The following ASIC2 variants were observed in gnomAD, a reference collection of about 807,000 sequenced individuals.
ASIC2 encodes acid sensing ion channel subunit 2.
A neutral mutation model predicts 57.3 loss-of-function variants in ASIC2; 25 were observed. The observed-to-expected ratio is 0.44, with a 90% CI of 0.32 to 0.61. ASIC2 has a LOEUF of 0.61. ASIC2 is among the 20% of genes least tolerant of loss of function. ASIC2 has a pLI of 0.06. For missense variants in ASIC2, 641 were observed against 738.1 expected (o/e 0.87, Z 1.52); for synonymous variants, 319 against 307.5 (o/e 1.04, Z -0.39).
intron 1 of ASIC2, among the ~76,000 whole-genome samples, chr17:33,181,583 G>A (rs1168199530): frequency 1.3e-5 from 2 of 152,114 alleles, no homozygotes; most frequent in Non-Finnish European, 2.9e-5. Flanking sequence ...GTGTGACTCT[G>A]ATCTTTGCTT....
chr17:33,930,844 C>T lies in ASIC2; in HGVS notation c.555+225134G>A, dbSNP rs542192933. Reference sequence around the variant, plus strand: ...GGTGGAGGGGATGCCAGGGGAGAGCCGGGGCCCAGATTTTACAACTCCCTT... The same window carrying T: ...GGTGGAGGGGATGCCAGGGGAGAGCTGGGGCCCAGATTTTACAACTCCCTT... On this transcript the variant is annotated intron_variant, in intron 1 of 9. Transcript: ENST00000359872. 4.6e-5 allele frequency among the ~76,000 whole-genome samples: 7 copies of T among 152,272 alleles called. No individual in the cohort carries two copies. In the East Asian group the frequency reaches 1.2e-3, roughly 25 times the overall value.
intron 1 of ASIC2, among the ~76,000 whole-genome samples, chr17:34,059,512 G>A (rs529919465): frequency 1.3e-5 from 2 of 152,272 alleles, no homozygotes; most frequent in East Asian, 1.9e-4. Flanking sequence ...AGGGCAGGGC[G>A]CAAATTGGGC....
intron 1 of ASIC2, among the ~76,000 whole-genome samples, chr17:33,433,330 A>G: frequency 6.6e-6 from 1 of 152,254 alleles, no homozygotes; most frequent in East Asian, 1.9e-4. Context: ...GTTCTTACTT[A>G]TAAGTGGGAG....
chr17:33,601,068 G>A (rs1905105809), intron 1 of ASIC2, among the ~76,000 whole-genome samples: 1 of 152,170 alleles, frequency 6.6e-6, no homozygotes, highest in Non-Finnish European at 1.5e-5. Flanking sequence ...ACAGTAAAAT[G>A]AGAGAAGAGA....
intron 1 of ASIC2, among the ~76,000 whole-genome samples, chr17:33,351,706 C>T (rs548382477): frequency 6.6e-6 from 1 of 152,314 alleles, no homozygotes; most frequent in Admixed American, 6.5e-5. Flanking sequence ...CTTTAAGTCT[C>T]ACAGAAAATT....
intron 6 of ASIC2, among the ~76,000 whole-genome samples, chr17:33,021,635 A>G (rs2091835991): frequency 6.6e-6 from 1 of 152,222 alleles, no homozygotes. Flanking sequence ...CTCAACATGA[A>G]GGTGAGTTTC....
intron 1 of ASIC2, among the ~76,000 whole-genome samples, chr17:33,483,414 A>G (rs111334156): frequency 2.7e-4 from 41 of 152,362 alleles, no homozygotes; most frequent in African/African-American, 9.6e-4. Context: ...CTCTATCCTC[A>G]GACAAGGTCA....
At position 34,047,444 on chromosome 17, in the gene ASIC2, TA is replaced by T. The variant is rs541123626; in HGVS notation, c.555+108533del. 4.8e-4 allele frequency among the ~76,000 whole-genome samples: 68 copies of T among 141,092 alleles called. 1 individual carries two copies. In the South Asian group the frequency reaches 7.8e-3, roughly 16 times the overall value. The allele number at this position is 141,092 out of a possible 152,430, so 92.6% of individuals were successfully genotyped here. A position where few individuals can be genotyped will look rare whatever the true frequency, so the allele number is the denominator to read the frequency against. ...TCCCTACTTCTAGCCATGATTCTAA[TA>T]TTCTATAACATGGCTCTGACTTTGA... On this transcript the variant is annotated intron_variant, in intron 1 of 9. Transcript: ENST00000359872.
At chr17:33,118,562 G>C (rs372444415) in intron 1 of ASIC2, among the ~76,000 whole-genome samples, 4 of 152,210 alleles carry the variant, frequency 2.6e-5, no homozygotes, top group East Asian at 3.9e-4. Context: ...CTGGTGCTTT[G>C]CTGACATTAG....
At chr17:33,686,798 C>G (rs1908208470) in intron 1 of ASIC2, among the ~76,000 whole-genome samples, 3 of 152,140 alleles carry the variant, frequency 2.0e-5, no homozygotes, top group Non-Finnish European at 4.4e-5. Flanking sequence ...GGTCTGAGGT[C>G]AGCTCCCATC....
At chr17:33,744,104 A>C (rs1910190784) in intron 1 of ASIC2, among the ~76,000 whole-genome samples, 1 of 152,206 alleles carries the variant, frequency 6.6e-6, no homozygotes, top group African/African-American at 2.4e-5. Context: ...AACATGGGGA[A>C]GTTCAAGCCT....
chr17:33,604,229 C>A lies in ASIC2; in HGVS notation c.556-492162G>T, dbSNP rs571315309. 2.0e-5 allele frequency among the ~76,000 whole-genome samples: 3 copies of A among 152,316 alleles called. No homozygotes were observed. The East Asian group carries it at 5.8e-4, about 29-fold the overall frequency. ...GATAAGAACCATTCAGAATTAGAAT[C>A]CAGATTGGCCTGACTCCAAAATCTT... On this transcript the variant is annotated intron_variant, in intron 1 of 9. Coordinates refer to the ASIC2 transcript ENST00000359872.
At chr17:33,767,103 C>A (rs1910956705) in intron 1 of ASIC2, among the ~76,000 whole-genome samples, 1 of 152,248 alleles carries the variant, frequency 6.6e-6, no homozygotes, top group African/African-American at 2.4e-5. Context: ...AGTGCATCTG[C>A]TCTGCTGACC....
chr17:33,539,535 T>G (rs1194949571), intron 1 of ASIC2, among the ~76,000 whole-genome samples: 1 of 152,220 alleles, frequency 6.6e-6, no homozygotes, highest in Admixed American at 6.5e-5. Context: ...CAGGGAAACA[T>G]GTAGACAACT....
At chr17:33,269,135 C>CT (rs1460362358) in intron 1 of ASIC2, among the ~76,000 whole-genome samples, 1 of 152,164 alleles carries the variant, frequency 6.6e-6, no homozygotes, top group Non-Finnish European at 1.5e-5. Context: ...ACTTGCTTTC[C>CT]TGGGGCCCCA....
rs138823001 is a variant in ASIC2 at position 33,398,097 on chromosome 17, T to C, written c.556-286030A>G. Reference sequence around the variant, plus strand: ...TTGGTGTCCTGACACTAACCGACTCTATGTTTTTGTTTTTCCTTGGCTTGA... The same window carrying C: ...TTGGTGTCCTGACACTAACCGACTCCATGTTTTTGTTTTTCCTTGGCTTGA... On this transcript the variant is annotated intron_variant, in intron 1 of 9. Coordinates refer to the ASIC2 transcript ENST00000359872. 6.5e-3 allele frequency among the ~76,000 whole-genome samples: 983 copies of C among 152,352 alleles called. 33 individuals carry two copies. Among genetic ancestry groups the C allele is most frequent in the Admixed American group, 0.055 (844 of 15,308 alleles).
chr17:33,534,225 C>A (rs979513420), intron 1 of ASIC2: 7 of 152,180 alleles, frequency 4.6e-5, no homozygotes, highest in African/African-American at 1.7e-4. Context: ...TCTTCAAATT[C>A]AAACGCGAAC....
At chr17:33,501,880 G>A (rs1914110275) in intron 1 of ASIC2, among the ~76,000 whole-genome samples, 1 of 152,174 alleles carries the variant, frequency 6.6e-6, no homozygotes, top group Admixed American at 6.5e-5. Flanking sequence ...CTGGGGTAAG[G>A]GGCCAGGTAG....
At chr17:33,180,400 G>A (rs538976177) in intron 1 of ASIC2, among the ~76,000 whole-genome samples, 5 of 152,288 alleles carry the variant, frequency 3.3e-5, no homozygotes, top group East Asian at 3.9e-4. Flanking sequence ...CAGGAGGAGC[G>A]CCTTGTACTT....
Sources: allele counts gnomAD v4.1 joint callset (sites outside exome capture counted in the v4.1 genomes callset), GRCh38; gene constraint gnomAD v4.1.1; transcripts MANE v1.5; gene names NCBI Gene and HGNC (gene_info 2026-07-23, HGNC 2026-07-21).